The following NLK variants were observed in gnomAD, a reference collection of about 807,000 sequenced individuals.
NLK encodes nemo like kinase, also known as serine/threonine-protein kinase NLK.
In NLK, 11 loss-of-function variants were observed where a neutral mutation model predicts 59.0. That is an observed-to-expected ratio of 0.19 (90% CI 0.12 to 0.31). The LOEUF (loss-of-function observed/expected upper bound fraction) is 0.31. Ranked by LOEUF, NLK falls within the 10% of genes least tolerant of loss-of-function variation. The pLI is 1.00. For missense variants in NLK, 410 were observed against 661.1 expected, an observed-to-expected ratio of 0.62 and a Z score of 4.16; for synonymous variants, 235 against 235.9, an observed-to-expected ratio of 1.00 and a Z score of 0.03.
intron 1 of NLK, among the ~76,000 whole-genome samples, chr17:28,090,567 A>G (rs1477820113): frequency 6.6e-6 from 1 of 151,854 alleles, no homozygotes; most frequent in Non-Finnish European, 1.5e-5. Context: ...CATTTTTGAA[A>G]GGTTTTTTTA....
chr17:28,103,367 T>G lies in NLK; in HGVS notation c.459-19236T>G, dbSNP rs79315224. 2.6e-5 allele frequency among the ~76,000 whole-genome samples: 4 copies of G among 152,354 alleles called. No individual in the cohort carries two copies. The East Asian group carries it at 5.8e-4, about 22-fold the overall frequency. On this transcript the variant is annotated intron_variant, in intron 1 of 10. Coordinates refer to ENST00000407008, the MANE Select transcript of NLK (RefSeq NM_016231.5). ...TTTCTAAGATTGTGCTTTACCCTTTTTTCTGAACTTTGGAGCTTTTGCAGT... is the reference window on the plus strand; with the variant it reads ...TTTCTAAGATTGTGCTTTACCCTTTGTTCTGAACTTTGGAGCTTTTGCAGT...
chr17:28,117,268 A>G (rs1480689790), intron 1 of NLK, among the ~76,000 whole-genome samples: 1 of 152,230 alleles, frequency 6.6e-6, no homozygotes, highest in Non-Finnish European at 1.5e-5. Context: ...CAAGACCACA[A>G]GAATTAGCAT....
intron 1 of NLK, among the ~76,000 whole-genome samples, chr17:28,092,680 T>A (rs1032822602): frequency 6.6e-6 from 1 of 152,188 alleles, no homozygotes; most frequent in Non-Finnish European, 1.5e-5. Context: ...TTCGGGGAGA[T>A]AATAGTCAAA....
chr17:28,145,038 G>A (rs961535111), intron 3 of NLK, among the ~76,000 whole-genome samples: 1 of 152,154 alleles, frequency 6.6e-6, no homozygotes, highest in Non-Finnish European at 1.5e-5. Context: ...TCATTATTAA[G>A]TATTAATCAA....
At chr17:28,054,327 G>A (rs186983921) in intron 1 of NLK, among the ~76,000 whole-genome samples, 36 of 152,304 alleles carry the variant, frequency 2.4e-4, no homozygotes, top group African/African-American at 8.2e-4. Flanking sequence ...ACCATAGCCA[G>A]CGTTCAAAGT....
At chr17:28,132,173 G>A (rs1329754087) in intron 2 of NLK, among the ~76,000 whole-genome samples, 2 of 152,090 alleles carry the variant, frequency 1.3e-5, no homozygotes, top group Admixed American at 6.5e-5. Flanking sequence ...TACCTCTTCT[G>A]TAGTCATGAG....
intron 1 of NLK, among the ~76,000 whole-genome samples, chr17:28,083,720 C>CAT (rs1227559159): frequency 3.3e-5 from 5 of 152,138 alleles, no homozygotes; most frequent in African/African-American, 1.2e-4. Flanking sequence ...ACATTTTGAA[C>CAT]ATAAGTCTTG....
At chr17:28,190,667 G>GT (rs1413414506) in intron 8 of NLK, among the ~76,000 whole-genome samples, 3 of 152,056 alleles carry the variant, frequency 2.0e-5, no homozygotes, top group South Asian at 2.1e-4. Flanking sequence ...AATATAGCCT[G>GT]TTATTTAAAA....
intron 2 of NLK, among the ~76,000 whole-genome samples, chr17:28,129,388 G>A (rs538556554): frequency 6.6e-6 from 1 of 152,306 alleles, no homozygotes; most frequent in East Asian, 1.9e-4. Flanking sequence ...AGGAGGCAGA[G>A]GTTGCAGTGA....
chr17:28,043,153 T>C lies in NLK; in HGVS notation c.280T>C (p.Phe94Leu), dbSNP rs1282755665. Residue 94 changes from phenylalanine (F) to leucine (L), a missense_variant, in exon 1 of 11, where the codon TTC becomes CTC. Phe to Leu is a conservative substitution (Grantham distance 22, BLOSUM62 0). This residue lies in a region of NLK where 160 missense variants were observed against 171.0 expected (regional missense o/e 0.94). Coordinates refer to ENST00000407008, the MANE Select transcript of NLK (RefSeq NM_016231.5). ...AAACCCTGGGCAACAACAGCCATAT[T>C]TCCCATCACCGGCACCGGGGCAGGC... ...MLNPGQQQPY[F>L]PSPAPGQAPG... is the part of the protein sequence containing the mutation. 6.2e-7 allele frequency: 1 copy of C among 1,613,402 alleles called. No individual in the cohort carries two copies. Among genetic ancestry groups the C allele is most frequent in the Non-Finnish European group, 8.5e-7 (1 of 1,179,652 alleles).
At chr17:28,116,793 A>G (rs1905794193) in intron 1 of NLK, among the ~76,000 whole-genome samples, 1 of 152,210 alleles carries the variant, frequency 6.6e-6, no homozygotes, top group Non-Finnish European at 1.5e-5. Flanking sequence ...CTATTACTGA[A>G]CACATATCTT....
chr17:28,056,110 G>A (rs1263985864), intron 1 of NLK, among the ~76,000 whole-genome samples: 1 of 152,182 alleles, frequency 6.6e-6, no homozygotes, highest in Non-Finnish European at 1.5e-5. Context: ...ACAAGACTTT[G>A]ACCTGGTATG....
intron 1 of NLK, among the ~76,000 whole-genome samples, chr17:28,085,820 C>T (rs1347746330): frequency 6.6e-6 from 1 of 152,102 alleles, no homozygotes; most frequent in Non-Finnish European, 1.5e-5. Context: ...AGTGCAACAC[C>T]ATTACATTTT....
At chr17:28,082,574 G>C (rs1408925593) in intron 1 of NLK, among the ~76,000 whole-genome samples, 2 of 152,108 alleles carry the variant, frequency 1.3e-5, no homozygotes, top group Non-Finnish European at 2.9e-5. Flanking sequence ...GAGTAGGTGG[G>C]GTTAAAAGGG....
chr17:28,063,156 T>C (rs1194575525), intron 1 of NLK, among the ~76,000 whole-genome samples: 3 of 152,178 alleles, frequency 2.0e-5, no homozygotes, highest in Admixed American at 2.0e-4. Context: ...GTTCTCAAAC[T>C]CTTGGGATCA....
intron 3 of NLK, among the ~76,000 whole-genome samples, chr17:28,134,924 G>A (rs889059811): frequency 6.6e-6 from 1 of 152,194 alleles, no homozygotes; most frequent in Non-Finnish European, 1.5e-5. Flanking sequence ...TGAGGAGAAA[G>A]CATTAATGAT....
At position 28,194,890 on chromosome 17, in the gene NLK, A is replaced by G; in HGVS notation, c.*254A>G. The G allele has an allele frequency of 8.6e-6, 3 of 350,066 alleles. No individual in the cohort carries two copies. Among genetic ancestry groups the G allele is most frequent in the Non-Finnish European group, 1.6e-5 (3 of 193,378 alleles). 21.7% of individuals were successfully genotyped at this position (350,066 alleles called of 1,614,324 possible). The stretch of plus-strand genomic sequence containing the variant: ...GTTTTATGAATTTAGTGCAGCTGTT[A>G]TGGCTCACCTCAGAACAAAAGAGAA... On this transcript the variant is annotated 3_prime_UTR_variant, in exon 11 of 11. Coordinates refer to ENST00000407008, the MANE Select transcript of NLK (RefSeq NM_016231.5).
intron 3 of NLK, among the ~76,000 whole-genome samples, chr17:28,146,459 A>G (rs1308378315): frequency 1.3e-5 from 2 of 152,146 alleles, no homozygotes; most frequent in Non-Finnish European, 2.9e-5. Context: ...TCTGTGTGCC[A>G]GGCATTTATA....
At chr17:28,163,406 C>T in intron 4 of NLK, 137 bp from the exon 5 acceptor site, 1 of 579,088 alleles carries the variant, frequency 1.7e-6, no homozygotes, top group Non-Finnish European at 3.0e-6. Context: ...GTGGGACTAG[C>T]TTTTAATAAT....
Sources: allele counts gnomAD v4.1 joint callset (sites outside exome capture counted in the v4.1 genomes callset), GRCh38; gene constraint gnomAD v4.1.1; regional missense constraint gnomAD v4.1.1; transcripts MANE v1.5; gene names NCBI Gene and HGNC (gene_info 2026-07-23, HGNC 2026-07-21).